The following SCCPDH variants were observed in gnomAD, a reference collection of about 807,000 sequenced individuals.
The protein encoded by SCCPDH is saccharopine dehydrogenase-like oxidoreductase.
In SCCPDH, 34 loss-of-function variants were observed where a neutral mutation model predicts 51.5. The ratio of observed to expected loss-of-function variants is 0.66; its 90% CI spans 0.50 to 0.88. The LOEUF (loss-of-function observed/expected upper bound fraction) is 0.88. Among genes scored for constraint, SCCPDH ranks in the 40% least tolerant of loss-of-function variants. The pLI is 0.00. For missense variants in SCCPDH, 464 were observed against 527.1 expected, an observed-to-expected ratio of 0.88 and a Z score of 1.17; for synonymous variants, 187 against 191.3, an observed-to-expected ratio of 0.98 and a Z score of 0.19.
chr1:246,767,216 A>C lies in SCCPDH; in HGVS notation c.1206A>C (p.Gly402=), dbSNP rs1038650741. The change falls in exon 12 of 12, where the codon GGA becomes GGC. Residue 402 remains glycine (G), a synonymous_variant. Coordinates refer to ENST00000366510, the MANE Select transcript of SCCPDH (RefSeq NM_016002.3). ...LPKAGGVFTP[G]AAFSKTKLID... is the part of the protein sequence containing the mutation. The stretch of plus-strand genomic sequence containing the variant: ...ATAGGGGCGGGGTCTTCACACCTGG[A>C]GCAGCTTTTTCCAAAACAAAGTTGA... 1.2e-6 allele frequency: 2 copies of C among 1,610,346 alleles called. No individual in the cohort carries two copies. Among genetic ancestry groups the C allele is most frequent in the Non-Finnish European group, 1.7e-6 (2 of 1,177,990 alleles).
intron 1 of SCCPDH, 72 bp from the exon 2 acceptor site, chr1:246,726,820 C>T (rs926626455): frequency 8.7e-6 from 9 of 1,036,360 alleles, no homozygotes; most frequent in Admixed American, 7.4e-5. Context: ...TCACTGATTA[C>T]TGTAAAAAGA....
At chr1:246,766,378 G>C (rs1239942425) in intron 11 of SCCPDH, among the ~76,000 whole-genome samples, 2 of 152,200 alleles carry the variant, frequency 1.3e-5, no homozygotes, top group Non-Finnish European at 2.9e-5. Flanking sequence ...GGAGAGCCAT[G>C]AGTTAACTTC....
Position 246,767,317 on chromosome 1 carries a change from C to G in SCCPDH, c.*17C>G. The G allele has an allele frequency of 1.3e-6, 2 of 1,483,724 alleles. No individual in the cohort carries two copies. The highest frequency in any genetic ancestry group is 1.8e-6 in the Non-Finnish European group (2 of 1,082,426). The allele number at this position is 1,483,724 out of a possible 1,614,324, so 91.9% of individuals were successfully genotyped here. On this transcript the variant is annotated 3_prime_UTR_variant, in exon 12 of 12. Transcript: ENST00000366510. ...GAAGTCTAAACACTGGAAGAATTAA[C>G]TGAAGTCATAACGTGCGTGAATTAA...
chr1:246,760,339 G>A, intron 9 of SCCPDH, 112 bp downstream of exon 9: 1 of 869,590 alleles, frequency 1.1e-6, no homozygotes, highest in Non-Finnish European at 1.8e-6. Context: ...AGTTCTTTAT[G>A]TAAATTAGAT....
chr1:246,727,224 C>T (rs1330084842), intron 2 of SCCPDH, among the ~76,000 whole-genome samples: 1 of 152,182 alleles, frequency 6.6e-6, no homozygotes, highest in African/African-American at 2.4e-5. Context: ...GGCATGTGTG[C>T]TGGCTTGTTG....
intron 10 of SCCPDH, among the ~76,000 whole-genome samples, chr1:246,765,340 C>G (rs974186248): frequency 4.6e-5 from 7 of 152,338 alleles, no homozygotes; most frequent in South Asian, 4.1e-4. Flanking sequence ...CCTCCTGCCT[C>G]AGCCTTCTAA....
At chr1:246,729,295 T>C (rs1317766450) in intron 2 of SCCPDH, among the ~76,000 whole-genome samples, 2 of 152,172 alleles carry the variant, frequency 1.3e-5, no homozygotes, top group Non-Finnish European at 2.9e-5. Flanking sequence ...TTTGCCAGAC[T>C]GGAATTTCCT....
chr1:246,734,564 T>G (rs745950494), intron 2 of SCCPDH, among the ~76,000 whole-genome samples: 4 of 152,166 alleles, frequency 2.6e-5, no homozygotes, highest in Non-Finnish European at 5.9e-5. Context: ...TTTCACACAC[T>G]TCTCCCAGTC....
At chr1:246,754,734 A>G (rs1668905195) in intron 5 of SCCPDH, among the ~76,000 whole-genome samples, 1 of 152,164 alleles carries the variant, frequency 6.6e-6, no homozygotes, top group Non-Finnish European at 1.5e-5. Flanking sequence ...GTTGGCATAC[A>G]CTTTTCATAG....
intron 3 of SCCPDH, among the ~76,000 whole-genome samples, chr1:246,738,356 C>T (rs1013674352): frequency 8.6e-5 from 13 of 151,618 alleles, no homozygotes; most frequent in African/African-American, 2.9e-4. Flanking sequence ...ATTAAAAATA[C>T]AAAAGTTAGC....
intron 4 of SCCPDH, among the ~76,000 whole-genome samples, chr1:246,741,451 C>T (rs1668675080): frequency 6.6e-6 from 1 of 152,106 alleles, no homozygotes; most frequent in African/African-American, 2.4e-5. Context: ...CTTATGCCAC[C>T]ATACTCAACT....
intron 9 of SCCPDH, among the ~76,000 whole-genome samples, chr1:246,760,970 C>T (rs1403175080): frequency 6.6e-6 from 1 of 152,196 alleles, no homozygotes; most frequent in African/African-American, 2.4e-5. Context: ...TCCTACCTCA[C>T]TAAAATAATT....
At chr1:246,760,260 T>C in intron 9 of SCCPDH, 33 bp downstream of exon 9, 10 of 1,556,814 alleles carry the variant, frequency 6.4e-6, no homozygotes, top group Non-Finnish European at 8.7e-6. Context: ...ACTAAAATAA[T>C]ATTTTTCTTT....
intron 2 of SCCPDH, among the ~76,000 whole-genome samples, chr1:246,733,491 T>TACAC (rs57989437): frequency 0.25 from 37,086 of 148,782 alleles, 5,185 homozygotes; most frequent in South Asian, 0.34. Context: ...TCATATTTTA[T>TACAC]ACACACACAC....
Position 246,760,162 on chromosome 1 carries a change from T to C in SCCPDH, c.934-9T>C, listed in dbSNP as rs751727954. 17 of 1,599,066 alleles carry C rather than the reference T, an allele frequency of 1.1e-5. No homozygotes were observed. The East Asian group carries it at 1.3e-4, about 13-fold the overall frequency. On this transcript the variant is annotated splice_polypyrimidine_tract_variant and intron_variant, in intron 8 of 11. Transcript: ENST00000366510. Reference sequence around the variant, plus strand: ...AAAAATATCACTGACGGTTTTTTTTTCCCTTTAGTTCCCATGGTTCTTCTC... The same window carrying C: ...AAAAATATCACTGACGGTTTTTTTTCCCCTTTAGTTCCCATGGTTCTTCTC...
intron 3 of SCCPDH, among the ~76,000 whole-genome samples, chr1:246,738,197 AAAC>A (rs985157118): frequency 1.3e-5 from 2 of 151,776 alleles, no homozygotes; most frequent in African/African-American, 4.8e-5. Context: ...TCCTGTCTCA[AAAC>A]AACAACAACA....
intron 5 of SCCPDH, among the ~76,000 whole-genome samples, chr1:246,746,500 A>T (rs182272148): frequency 1.1e-4 from 17 of 152,288 alleles, no homozygotes; most frequent in Non-Finnish European, 1.9e-4. Context: ...TTGGAGGCAG[A>T]AACTGGGCAT....
chr1:246,745,618 G>A (rs906202001), intron 5 of SCCPDH, among the ~76,000 whole-genome samples: 1 of 152,152 alleles, frequency 6.6e-6, no homozygotes, highest in African/African-American at 2.4e-5. Context: ...AGAGGAAATA[G>A]TGTATCAAAG....
intron 2 of SCCPDH, among the ~76,000 whole-genome samples, chr1:246,729,548 T>A (rs28498379): frequency 6.6e-6 from 1 of 152,218 alleles, no homozygotes; most frequent in Non-Finnish European, 1.5e-5. Context: ...GACATTATGG[T>A]TATCTCCCTT....
Sources: allele counts gnomAD v4.1 joint callset (sites outside exome capture counted in the v4.1 genomes callset), GRCh38; gene constraint gnomAD v4.1.1; transcripts MANE v1.5; gene names NCBI Gene and HGNC (gene_info 2026-07-23, HGNC 2026-07-21).